The following BTBD10 variants were observed in gnomAD, a reference collection of about 807,000 sequenced individuals.
BTBD10 encodes the protein BTB/POZ domain-containing protein 10.
In BTBD10, 21 loss-of-function variants were observed where a neutral mutation model predicts 53.2. The observed-to-expected ratio is 0.39, with a 90% CI of 0.28 to 0.57. The LOEUF is 0.57. Among genes scored for constraint, BTBD10 ranks in the 20% least tolerant of loss-of-function variants. The pLI is 0.53. For synonymous variants in BTBD10, 149 were observed against 192.7 expected, an observed-to-expected ratio of 0.77 and a Z score of 1.88; for missense variants, 360 against 594.7, an observed-to-expected ratio of 0.61 and a Z score of 4.10.
At chr11:13,419,071 CA>C (rs1950187927) in intron 4 of BTBD10, among the ~76,000 whole-genome samples, 1 of 142,604 alleles carries the variant, frequency 7.0e-6, no homozygotes, top group African/African-American at 2.6e-5. Context: ...CGCCTTTAAA[CA>C]ATGCTGATTG....
intron 1 of BTBD10, among the ~76,000 whole-genome samples, chr11:13,457,644 A>AT (rs150122742): frequency 1.3e-5 from 2 of 152,354 alleles, no homozygotes; most frequent in East Asian, 3.9e-4. Flanking sequence ...ATGGTTACCT[A>AT]TATGGGCAGA....
rs1213199436 is a variant in BTBD10, at chr11:13,455,740, G to A, written c.-58+7352C>T. Among the ~76,000 whole-genome samples, 4 of 152,236 alleles carry A rather than the reference G, an allele frequency of 2.6e-5. No individual in the cohort carries two copies. The South Asian group carries it at 8.3e-4, about 32-fold the overall frequency. On this transcript the variant is annotated intron_variant, in intron 1 of 8. Transcript: ENST00000278174. The stretch of plus-strand genomic sequence containing the variant: ...GATGCCTAAATCAAAGGAGATTATG[G>A]TCAACTCCTAAGAAGCAACACCCTT...
At chr11:13,452,850 T>C (rs1305343776) in intron 1 of BTBD10, among the ~76,000 whole-genome samples, 1 of 152,226 alleles carries the variant, frequency 6.6e-6, no homozygotes, top group Non-Finnish European at 1.5e-5. Flanking sequence ...GGATACCTTA[T>C]ATAACACAGT....
chr11:13,444,960 T>G (rs896966739), intron 2 of BTBD10, 64 bp downstream of exon 2: 1 of 1,281,848 alleles, frequency 7.8e-7, no homozygotes, highest in Non-Finnish European at 1.1e-6. Flanking sequence ...CCAAATGCAG[T>G]AGTATTCTTT....
chr11:13,459,310 G>A (rs1032727334), intron 1 of BTBD10, among the ~76,000 whole-genome samples: 21 of 151,934 alleles, frequency 1.4e-4, no homozygotes, highest in South Asian at 2.1e-4. Flanking sequence ...CGCCCGCCTC[G>A]GCCTCCCAAA....
chr11:13,398,523 G>C (rs922854608), intron 8 of BTBD10, among the ~76,000 whole-genome samples: 2 of 152,126 alleles, frequency 1.3e-5, no homozygotes, highest in Non-Finnish European at 2.9e-5. Flanking sequence ...CTTTTAATTA[G>C]AGCATTTAGC....
intron 6 of BTBD10, among the ~76,000 whole-genome samples, chr11:13,409,381 C>A (rs1949893773): frequency 6.6e-6 from 1 of 152,190 alleles, no homozygotes; most frequent in Non-Finnish European, 1.5e-5. Context: ...GTGTACATTC[C>A]ATTAGAACAG....
At chr11:13,419,934 C>T (rs139070321) in intron 3 of BTBD10, among the ~76,000 whole-genome samples, 189 bp from the exon 4 acceptor site, 353 of 152,226 alleles carry the variant, frequency 2.3e-3, no homozygotes, top group African/African-American at 7.4e-3. Flanking sequence ...CAACCCAAAA[C>T]ATCAAAATGC....
chr11:13,405,911 T>G, intron 6 of BTBD10, 55 bp from the exon 7 acceptor site: 1 of 1,543,464 alleles, frequency 6.5e-7, no homozygotes, highest in Non-Finnish European at 8.9e-7. Context: ...AAAGAGTTCT[T>G]TTAGAAATAT....
chr11:13,443,001 A>G (rs1354400637), intron 2 of BTBD10, among the ~76,000 whole-genome samples: 1 of 152,164 alleles, frequency 6.6e-6, no homozygotes, highest in Non-Finnish European at 1.5e-5. Flanking sequence ...TGCATTAAAA[A>G]AAAATCAATT....
At chr11:13,393,988 C>A (rs1365222400) in intron 8 of BTBD10, among the ~76,000 whole-genome samples, 1 of 152,058 alleles carries the variant, frequency 6.6e-6, no homozygotes, top group African/African-American at 2.4e-5. Flanking sequence ...TTACAAAATA[C>A]CAGCTGATAA....
At chr11:13,404,506 G>T (rs1019401644) in intron 7 of BTBD10, 13 of 627,360 alleles carry the variant, frequency 2.1e-5, no homozygotes, top group Non-Finnish European at 2.6e-5. Context: ...AAAGTAAAAT[G>T]TAAGTTATAA....
intron 1 of BTBD10, among the ~76,000 whole-genome samples, chr11:13,461,015 T>C (rs1455508428): frequency 3.9e-5 from 6 of 152,214 alleles, no homozygotes; most frequent in Admixed American, 3.9e-4. Context: ...ACGTTTATAG[T>C]AAATACCAGT....
At chr11:13,418,040 C>A (rs888569121) in intron 4 of BTBD10, among the ~76,000 whole-genome samples, 8 of 151,988 alleles carry the variant, frequency 5.3e-5, no homozygotes, top group African/African-American at 1.2e-4. Context: ...ATTTAAAAAT[C>A]ATGATTAAAG....
chr11:13,395,921 A>G (rs1469254499), intron 8 of BTBD10, among the ~76,000 whole-genome samples: 1 of 152,102 alleles, frequency 6.6e-6, no homozygotes, highest in East Asian at 1.9e-4. Flanking sequence ...TACCAGTACC[A>G]TGCTGTTTTT....
chr11:13,439,879 C>T, intron 2 of BTBD10: 1 of 1,520,832 alleles, frequency 6.6e-7, no homozygotes, highest in South Asian at 1.2e-5. Flanking sequence ...TAAATGAATA[C>T]ACACCTTCCT....
intron 3 of BTBD10, among the ~76,000 whole-genome samples, chr11:13,420,927 A>G (rs888174245): frequency 6.6e-6 from 1 of 152,204 alleles, no homozygotes; most frequent in Non-Finnish European, 1.5e-5. Flanking sequence ...CAACTGAAAC[A>G]TTGACAACTT....
intron 8 of BTBD10, 107 bp downstream of exon 8, chr11:13,403,060 TC>T: frequency 1.4e-6 from 1 of 702,834 alleles, no homozygotes; most frequent in South Asian, 2.1e-5. Flanking sequence ...TAATCATTTG[TC>T]AGAGTTTTTC....
intron 3 of BTBD10, among the ~76,000 whole-genome samples, chr11:13,421,158 G>A (rs916705559): frequency 3.3e-5 from 5 of 152,140 alleles, no homozygotes; most frequent in Non-Finnish European, 7.4e-5. Flanking sequence ...GAGTAGGAAG[G>A]AAGGTGAGCT....
Sources: gnomAD v4.1 joint callset for allele counts (sites outside exome capture counted in the v4.1 genomes callset) on GRCh38, gnomAD v4.1.1 for gene constraint, MANE v1.5 for transcripts, NCBI Gene and HGNC (gene_info 2026-07-23, HGNC 2026-07-21) for gene names.